The following PARD3B variants were observed in gnomAD, a reference collection of about 807,000 sequenced individuals.
PARD3B encodes par-3 family cell polarity regulator beta, also known as partitioning defective 3 homolog B.
In PARD3B, 103 loss-of-function variants were observed where a neutral mutation model predicts 130.2. The ratio of observed to expected loss-of-function variants is 0.79; its 90% confidence interval spans 0.67 to 0.93. The LOEUF is 0.93. Ranked by LOEUF, PARD3B falls within the 40% of genes least tolerant of loss-of-function variation. The pLI, the probability that PARD3B is intolerant of heterozygous loss-of-function variation, is 0.00. For synonymous variants in PARD3B, 583 were observed against 553.2 expected (o/e 1.05, Z -0.76); for missense variants, 1,609 against 1,499.2 (o/e 1.07, Z -1.21).
At chr2:205,029,226 A>G (rs745938762) in intron 3 of PARD3B, among the ~76,000 whole-genome samples, 6 of 152,080 alleles carry the variant, frequency 3.9e-5, no homozygotes, top group Non-Finnish European at 7.4e-5. Context: ...TACAGAACAG[A>G]TTTGTTTTGG....
intron 2 of PARD3B, among the ~76,000 whole-genome samples, chr2:204,838,345 G>A (rs2044131562): frequency 7.1e-6 from 1 of 141,700 alleles, no homozygotes; most frequent in Admixed American, 7.0e-5. Flanking sequence ...ACCATACCTG[G>A]CTAATGTGTG....
chr2:204,752,765 A>T (rs964837845), intron 2 of PARD3B, among the ~76,000 whole-genome samples: 3 of 152,094 alleles, frequency 2.0e-5, no homozygotes, highest in Non-Finnish European at 2.9e-5. Context: ...CCTATCTCCC[A>T]TTCCCTGTTA....
chr2:204,817,912 A>G (rs1387420510), intron 2 of PARD3B, among the ~76,000 whole-genome samples: 2 of 152,064 alleles, frequency 1.3e-5, no homozygotes, highest in Non-Finnish European at 1.5e-5. Context: ...TTTTTGGTGG[A>G]AAAAACTTTT....
At chr2:205,217,826 GTGTATATA>G (rs1371234015) in intron 15 of PARD3B, among the ~76,000 whole-genome samples, 2 of 126,068 alleles carry the variant, frequency 1.6e-5, no homozygotes, top group Admixed American at 1.7e-4. Flanking sequence ...GTATATGTGT[GTGTATATA>G]TGTGTGTATA....
chr2:204,759,523 A>C (rs1412576552), intron 2 of PARD3B, among the ~76,000 whole-genome samples: 1 of 152,096 alleles, frequency 6.6e-6, no homozygotes, highest in Non-Finnish European at 1.5e-5. Context: ...AGATTTTGTC[A>C]TATCAGTGGT....
At chr2:204,713,234 A>G (rs1246640639) in intron 2 of PARD3B, among the ~76,000 whole-genome samples, 1 of 152,060 alleles carries the variant, frequency 6.6e-6, no homozygotes, top group African/African-American at 2.4e-5. Context: ...TGGAATAAAT[A>G]CTTTTTGAGA....
In PARD3B at chr2:205,478,305, G is replaced by A. The variant is rs144819097; in HGVS notation, c.3045-21591G>A. On this transcript the variant is annotated intron_variant, in intron 20 of 22. Transcript: ENST00000406610. ...TCTGTGTGTCTCTCCTCCCTAGTCC[G>A]TAATTTCCTTTACTAGGCCCAACCA... 4.3e-4 allele frequency among the ~76,000 whole-genome samples: 66 copies of A among 152,262 alleles called. 1 individual carries two copies. The East Asian group carries it at 0.011, about 24-fold the overall frequency.
chr2:205,491,845 A>T (rs1317451911), intron 20 of PARD3B, among the ~76,000 whole-genome samples: 1 of 152,194 alleles, frequency 6.6e-6, no homozygotes, highest in Non-Finnish European at 1.5e-5. Context: ...GGGAGCCCAG[A>T]TAAGCCAAGC....
At chr2:205,133,171 A>T (rs939783280) in intron 10 of PARD3B, among the ~76,000 whole-genome samples, 1 of 152,214 alleles carries the variant, frequency 6.6e-6, no homozygotes, top group Non-Finnish European at 1.5e-5. Flanking sequence ...TGACAGCTTC[A>T]GTGGTTTAAG....
intron 21 of PARD3B, among the ~76,000 whole-genome samples, chr2:205,552,436 T>C (rs1209705984): frequency 6.6e-6 from 1 of 152,176 alleles, no homozygotes; most frequent in East Asian, 1.9e-4. Context: ...TGAGACAAAG[T>C]CTCACTATGT....
At chr2:205,067,656 T>C (rs1700474944) in intron 4 of PARD3B, among the ~76,000 whole-genome samples, 1 of 152,190 alleles carries the variant, frequency 6.6e-6, no homozygotes, top group Admixed American at 6.5e-5. Context: ...AAGTGGTATG[T>C]GTGTGGGTCT....
intron 8 of PARD3B, among the ~76,000 whole-genome samples, chr2:205,123,141 A>G (rs2030953214): frequency 6.6e-6 from 1 of 152,210 alleles, no homozygotes; most frequent in African/African-American, 2.4e-5. Context: ...CCAAACAACA[A>G]AGGATAAGTA....
At chr2:205,106,050 T>C (rs1429448579) in intron 5 of PARD3B, among the ~76,000 whole-genome samples, 1 of 152,062 alleles carries the variant, frequency 6.6e-6, no homozygotes, top group Non-Finnish European at 1.5e-5. Context: ...GGTTTATGGC[T>C]GTATGAACAA....
chr2:204,986,175 C>T (rs960709170), intron 3 of PARD3B, among the ~76,000 whole-genome samples: 84 of 147,378 alleles, frequency 5.7e-4, no homozygotes, highest in African/African-American at 1.9e-3. Context: ...TATGGCAGAT[C>T]TCTGTCATCT....
chr2:205,200,540 C>T (rs1333962773), intron 15 of PARD3B, among the ~76,000 whole-genome samples: 2 of 152,244 alleles, frequency 1.3e-5, no homozygotes, highest in South Asian at 2.1e-4. Flanking sequence ...CAGATGATTT[C>T]TCCAGAATTG....
Position 205,460,862 on chromosome 2 carries a change from A to G in PARD3B, c.3044+20190A>G, listed in dbSNP as rs1400769251. Reference sequence around the variant, plus strand: ...AAGTGCCCTTTATTTGACCCGTCAAATAGAGGATCTGGAGAATAAAAAAAT... The same window carrying G: ...AAGTGCCCTTTATTTGACCCGTCAAGTAGAGGATCTGGAGAATAAAAAAAT... On this transcript the variant is annotated intron_variant, in intron 20 of 22. Coordinates refer to ENST00000406610, the MANE Select transcript of PARD3B (RefSeq NM_001302769.2). This position sits in a 1 kb window ranked among gnomAD's most constrained non-coding sequence, Gnocchi z 4.9. Among the ~76,000 whole-genome samples the G allele has an allele frequency of 6.6e-6, 1 of 152,140 alleles. No individual in the cohort carries two copies. Among genetic ancestry groups the G allele is most frequent in the Non-Finnish European group, 1.5e-5 (1 of 68,024 alleles).
rs1194527520 is a variant in PARD3B, at chr2:205,116,898, C to A, written c.681-2023C>A. 6.6e-6 allele frequency among the ~76,000 whole-genome samples: 1 copy of A among 152,158 alleles called. No individual in the cohort carries two copies. Among genetic ancestry groups the A allele is most frequent in the Non-Finnish European group, 1.5e-5 (1 of 68,024 alleles). On this transcript the variant is annotated intron_variant, in intron 6 of 22. Transcript: ENST00000406610. The surrounding 1 kb of genome is among the most constrained non-coding windows in gnomAD (Gnocchi z 4.5). ...ATTTAGATCAGTGAGGTTCACATAG[C>A]ATACTCCAGCTGTAATATGCCAGCT...
chr2:205,480,157 G>A (rs976242905), intron 20 of PARD3B, among the ~76,000 whole-genome samples: 6 of 152,064 alleles, frequency 3.9e-5, no homozygotes, highest in East Asian at 1.9e-4. Flanking sequence ...CACCCGCCTC[G>A]GCCTCCCAGA....
intron 7 of PARD3B, among the ~76,000 whole-genome samples, chr2:205,119,539 T>A (rs2125614940): frequency 6.6e-6 from 1 of 152,218 alleles, no homozygotes; most frequent in African/African-American, 2.4e-5. Flanking sequence ...CCCAGCATTT[T>A]GGGGGGCCGA....
Sources: allele counts gnomAD v4.1 joint callset (sites outside exome capture counted in the v4.1 genomes callset), GRCh38; gene constraint gnomAD v4.1.1; non-coding constraint Gnocchi (gnomAD v3.1); transcripts MANE v1.5; gene names NCBI Gene and HGNC (gene_info 2026-07-23, HGNC 2026-07-21).